FARS2: variants seen among roughly 807,000 people sequenced by gnomAD.
FARS2 encodes phenylalanyl-tRNA synthetase 2, mitochondrial.
FARS2 carries 40 observed loss-of-function variants against 46.4 expected under a neutral mutation model. That is an observed-to-expected ratio of 0.86 (90% CI 0.67 to 1.12). The LOEUF is 1.12. Ranked by LOEUF, FARS2 falls within the 50% of genes most tolerant of loss-of-function variation. FARS2 has a pLI of 0.00. For missense variants in FARS2, 513 were observed against 567.9 expected (o/e 0.90, Z 0.98); for synonymous variants, 234 against 214.9 (o/e 1.09, Z -0.78).
chr6:5,381,804 C>T (rs1338779875), intron 2 of FARS2, among the ~76,000 whole-genome samples: 2 of 152,140 alleles, frequency 1.3e-5, no homozygotes, highest in Non-Finnish European at 2.9e-5. Flanking sequence ...GATTGAGAAC[C>T]AAGTCAGGAG....
chr6:5,509,303 G>A (rs1331273783), intron 4 of FARS2, among the ~76,000 whole-genome samples: 2 of 152,220 alleles, frequency 1.3e-5, no homozygotes, highest in Non-Finnish European at 2.9e-5. Flanking sequence ...GAGCTCGAGG[G>A]TGACACTGGG....
chr6:5,553,914 G>A (rs557847926), intron 5 of FARS2, among the ~76,000 whole-genome samples: 3 of 152,248 alleles, frequency 2.0e-5, no homozygotes, highest in Non-Finnish European at 4.4e-5. Context: ...CAGCTGCATC[G>A]TCGTTCAATC....
At chr6:5,696,264 G>C (rs1758099495) in intron 6 of FARS2, among the ~76,000 whole-genome samples, 1 of 152,210 alleles carries the variant, frequency 6.6e-6, no homozygotes, top group African/African-American at 2.4e-5. Context: ...TTCATCAATA[G>C]AAGACTGATT....
At chr6:5,257,772 C>A (rs1241218129), upstream of FARS2, among the ~76,000 whole-genome samples, 4 of 152,162 alleles carry the variant, frequency 2.6e-5, no homozygotes, top group Admixed American at 2.6e-4. Flanking sequence ...CCATCCCCTC[C>A]CTTGACCCGG....
At chr6:5,341,204 T>G (rs187998160) in intron 1 of FARS2, among the ~76,000 whole-genome samples, 717 of 4,636 alleles carry the variant, frequency 0.15, 26 homozygotes, top group African/African-American at 0.31. Context: ...TATATATATA[T>G]ATATATATAT....
intron 1 of FARS2, among the ~76,000 whole-genome samples, chr6:5,279,574 G>GTATA (rs138587263): frequency 6.8e-6 from 1 of 147,424 alleles, no homozygotes; most frequent in South Asian, 2.1e-4. Flanking sequence ...GTGTGTGTGT[G>GTATA]TATATATATA....
chr6:5,670,855 G>A (rs760249571), intron 6 of FARS2, among the ~76,000 whole-genome samples: 2 of 152,068 alleles, frequency 1.3e-5, no homozygotes, highest in Non-Finnish European at 2.9e-5. Context: ...AGTTTCAACC[G>A]GGGCTCTTCA....
chr6:5,274,512 G>A (rs1766194126), intron 1 of FARS2, among the ~76,000 whole-genome samples: 3 of 152,180 alleles, frequency 2.0e-5, no homozygotes, highest in Admixed American at 1.3e-4. Flanking sequence ...TGGAATGCAA[G>A]TAATACTAAA....
chr6:5,581,102 A>G (rs1773302500), intron 5 of FARS2, among the ~76,000 whole-genome samples: 1 of 152,264 alleles, frequency 6.6e-6, no homozygotes, highest in African/African-American at 2.4e-5. Context: ...GCAAAATTAC[A>G]GAGGACAAGA....
intron 5 of FARS2, among the ~76,000 whole-genome samples, chr6:5,549,835 C>G (rs1018961422): frequency 2.6e-5 from 4 of 152,154 alleles, no homozygotes; most frequent in Admixed American, 1.3e-4. Context: ...CCTAAAGATT[C>G]ACATCTGTCT....
At chr6:5,605,173 T>C (rs62385461) in intron 5 of FARS2, among the ~76,000 whole-genome samples, 14,900 of 152,114 alleles carry the variant, frequency 0.098, 758 homozygotes, top group African/African-American at 0.12. Context: ...AAAAAAGATA[T>C]ATCACTACAG....
chr6:5,482,988 A>G lies in FARS2; in HGVS notation c.904+51816A>G, dbSNP rs375515447. ...TGACTGACCACTGCTGCCAGGGCCC[A>G]CAAGGAGCCATACGCACATCTATCC... On this transcript the variant is annotated intron_variant, in intron 4 of 6. Transcript: ENST00000274680. Among the ~76,000 whole-genome samples, 6 of 152,292 alleles carry G rather than the reference A, an allele frequency of 3.9e-5. No individual in the cohort carries two copies. In the East Asian group the frequency reaches 9.7e-4, roughly 25 times the overall value.
intron 6 of FARS2, among the ~76,000 whole-genome samples, chr6:5,693,571 GT>G (rs1757906519): frequency 6.6e-6 from 1 of 152,176 alleles, no homozygotes; most frequent in East Asian, 1.9e-4. Flanking sequence ...TAAAAATCTG[GT>G]TATCTATTGC....
At chr6:5,318,399 A>ACC (rs1469212887) in intron 1 of FARS2, among the ~76,000 whole-genome samples, 1 of 149,838 alleles carries the variant, frequency 6.7e-6, no homozygotes, top group Non-Finnish European at 1.5e-5. Context: ...AAAAAAAAAA[A>ACC]AAAAAAAACC....
chr6:5,543,956 T>C (rs147790439), intron 4 of FARS2, among the ~76,000 whole-genome samples: 66 of 151,562 alleles, frequency 4.4e-4, no homozygotes, highest in African/African-American at 1.4e-3. Context: ...TATATCATAA[T>C]ATCCTTGCAT....
At chr6:5,576,586 A>G (rs1401557957) in intron 5 of FARS2, among the ~76,000 whole-genome samples, 1 of 146,792 alleles carries the variant, frequency 6.8e-6, no homozygotes, top group Non-Finnish European at 1.5e-5. Flanking sequence ...TATGATATAT[A>G]CTCTATATAT....
chr6:5,273,486 T>A (rs1766107672), intron 1 of FARS2, among the ~76,000 whole-genome samples: 1 of 149,448 alleles, frequency 6.7e-6, no homozygotes, highest in Non-Finnish European at 1.5e-5. Context: ...TCTATTGAGA[T>A]CTTTGGCCCA....
chr6:5,307,031 T>C (rs1424441069), intron 1 of FARS2, among the ~76,000 whole-genome samples: 2 of 152,248 alleles, frequency 1.3e-5, no homozygotes, highest in Non-Finnish European at 2.9e-5. Flanking sequence ...TTTCTTTCAT[T>C]CTTTTTTAAT....
intron 6 of FARS2, among the ~76,000 whole-genome samples, chr6:5,650,629 C>T (rs1027429912): frequency 2.0e-5 from 3 of 151,984 alleles, no homozygotes; most frequent in East Asian, 1.9e-4. Context: ...TACAGGCACC[C>T]GCCACCACGC....
Sources: allele counts gnomAD v4.1 joint callset (sites outside exome capture counted in the v4.1 genomes callset), GRCh38; gene constraint gnomAD v4.1.1; transcripts MANE v1.5; gene names NCBI Gene and HGNC (gene_info 2026-07-23, HGNC 2026-07-21).